ABCB11: variants seen among roughly 807,000 people sequenced by gnomAD.
ABCB11 encodes the protein ATP binding cassette subfamily B member 11, also known as bile salt export pump.
Under a neutral mutation model 148.0 loss-of-function variants are expected in ABCB11, and 95 were observed. The ratio of observed to expected loss-of-function variants is 0.64; its 90% CI spans 0.54 to 0.76. The LOEUF is 0.76. Ranked by LOEUF, ABCB11 falls within the 30% of genes least tolerant of loss-of-function variation. ABCB11 has a pLI of 0.00. For missense variants in ABCB11, 1,523 were observed against 1,617.8 expected, an observed-to-expected ratio of 0.94 and a Z score of 1.01; for synonymous variants, 591 against 555.4, an observed-to-expected ratio of 1.06 and a Z score of -0.90.
chr2:168,929,002 A>T (rs1181997125), intron 25 of ABCB11, among the ~76,000 whole-genome samples: 2 of 152,142 alleles, frequency 1.3e-5, no homozygotes, highest in Admixed American at 6.6e-5. Flanking sequence ...GCCTTTTTCA[A>T]AATTTTCTTA....
rs1559185118 is a variant in ABCB11, at chr2:168,936,504, G to C, written c.2611-71C>G. The C allele has an allele frequency of 2.5e-5, 36 of 1,417,080 alleles. 1 individual carries two copies. The South Asian group carries it at 3.9e-4, about 15-fold the overall frequency. 87.8% of individuals were successfully genotyped at this position (1,417,080 alleles called of 1,614,324 possible). On this transcript the variant is annotated intron_variant, in intron 21 of 27. Transcript: ENST00000650372. Reference sequence around the variant, plus strand: ...TTTACCAATTACCATTACACAAAAAGGTCAGACCTTTTATAAAGTTGTGAT... The same window carrying C: ...TTTACCAATTACCATTACACAAAAACGTCAGACCTTTTATAAAGTTGTGAT...
Position 168,997,028 on chromosome 2 carries a change from T to C in ABCB11, c.390-306A>G, listed in dbSNP as rs577841489. Among the ~76,000 whole-genome samples, 6 of 152,072 alleles carry C rather than the reference T, an allele frequency of 3.9e-5. No homozygotes were observed. In the South Asian group the frequency reaches 1.2e-3, roughly 31 times the overall value. ...CTATGAAATAATTAATTAGCAGTTG[T>C]TGGAAGCCAGGGTACCCTAAATGGC... On this transcript the variant is annotated intron_variant, in intron 5 of 27. Transcript: ENST00000650372.
At position 168,940,524 on chromosome 2, in the gene ABCB11, G is replaced by A. The variant is rs567761434; in HGVS notation, c.2610+4081C>T. Among the ~76,000 whole-genome samples the A allele has an allele frequency of 6.6e-5, 10 of 152,156 alleles. No individual in the cohort carries two copies. In the East Asian group the frequency reaches 1.9e-3, roughly 29 times the overall value. Reference sequence around the variant, plus strand: ...GTGAGGAAGCTTTGGGAGAAAAGTTGCTTTATGAGGTTTAAGGAAAAAAGC... The same window carrying A: ...GTGAGGAAGCTTTGGGAGAAAAGTTACTTTATGAGGTTTAAGGAAAAAAGC... On this transcript the variant is annotated intron_variant, in intron 21 of 27. Coordinates refer to ENST00000650372, the MANE Select transcript of ABCB11 (RefSeq NM_003742.4).
At chr2:168,989,518 A>G (rs1441531987) in intron 9 of ABCB11, among the ~76,000 whole-genome samples, 1 of 151,870 alleles carries the variant, frequency 6.6e-6, no homozygotes, top group Non-Finnish European at 1.5e-5. Flanking sequence ...TGCTGTTTTT[A>G]TTACTATAGT....
At chr2:168,977,857 C>T (rs1428986206) in intron 11 of ABCB11, among the ~76,000 whole-genome samples, 3 of 152,082 alleles carry the variant, frequency 2.0e-5, no homozygotes, top group African/African-American at 7.2e-5. Context: ...GGAAAATGCT[C>T]CTGTGATCCA....
chr2:168,935,555 G>A, intron 22 of ABCB11, 130 bp from the exon 23 acceptor site: 2 of 1,245,660 alleles, frequency 1.6e-6, no homozygotes, highest in Non-Finnish European at 2.2e-6. Context: ...CATCATCTGG[G>A]AATACAAAGA....
At chr2:168,988,275 C>T (rs1020102301) in intron 9 of ABCB11, among the ~76,000 whole-genome samples, 3 of 151,980 alleles carry the variant, frequency 2.0e-5, no homozygotes, top group African/African-American at 7.2e-5. Context: ...TTCTCGCCTG[C>T]CCCCTCCCAC....
chr2:168,956,384 C>T (rs1434670965), intron 19 of ABCB11, among the ~76,000 whole-genome samples: 1 of 151,656 alleles, frequency 6.6e-6, no homozygotes, highest in African/African-American at 2.4e-5. Context: ...TGTCATATTT[C>T]CATGCTTTTT....
chr2:168,997,039 G>A (rs1694739894), intron 5 of ABCB11, among the ~76,000 whole-genome samples: 1 of 151,804 alleles, frequency 6.6e-6, no homozygotes, highest in Non-Finnish European at 1.5e-5. Context: ...TGGAAGCCAG[G>A]GTACCCTAAA....
chr2:168,994,738 T>G (rs1216351074), intron 7 of ABCB11, among the ~76,000 whole-genome samples: 1 of 152,072 alleles, frequency 6.6e-6, no homozygotes, highest in Admixed American at 6.6e-5. Context: ...CCTGAGAACA[T>G]TTCCTTAATC....
intron 5 of ABCB11, among the ~76,000 whole-genome samples, chr2:169,002,536 T>C (rs981810245): frequency 2.0e-5 from 3 of 152,184 alleles, no homozygotes; most frequent in Non-Finnish European, 4.4e-5. Context: ...TAGCCACCTA[T>C]GTGTCCATCA....
intron 10 of ABCB11, among the ~76,000 whole-genome samples, chr2:168,984,576 T>A (rs1450905025): frequency 6.6e-6 from 1 of 152,164 alleles, no homozygotes; most frequent in Admixed American, 6.6e-5. Flanking sequence ...GTTTCACAAG[T>A]ACATTTATTA....
intron 17 of ABCB11, among the ~76,000 whole-genome samples, chr2:168,965,822 C>T (rs1693289378): frequency 6.6e-6 from 1 of 151,872 alleles, no homozygotes; most frequent in African/African-American, 2.4e-5. Flanking sequence ...TGCCTGCCTA[C>T]TATATGCTCA....
intron 19 of ABCB11, among the ~76,000 whole-genome samples, chr2:168,949,588 A>G (rs1692470717): frequency 6.6e-6 from 1 of 151,450 alleles, no homozygotes; most frequent in African/African-American, 2.4e-5. Context: ...TCTTTATCCA[A>G]TCCTCTGTTG....
In ABCB11 at chr2:168,923,405, C is replaced by T; in HGVS notation, c.*217G>A. On this transcript the variant is annotated 3_prime_UTR_variant, in exon 28 of 28. Transcript: ENST00000650372. ...CCCTCATATGGACCCTAGTTTCTTT[C>T]ATTTTCTGTATACACATCTAAAGCA... is the stretch of plus-strand genomic sequence containing the variant. 1 of 599,918 alleles carries T rather than the reference C, an allele frequency of 1.7e-6. No individual in the cohort carries two copies. The highest frequency in any genetic ancestry group is 2.9e-6 in the Non-Finnish European group (1 of 341,822). 37.2% of individuals were successfully genotyped at this position (599,918 alleles called of 1,614,324 possible).
intron 2 of ABCB11, 43 bp downstream of exon 2, chr2:169,018,007 C>T (rs2106058050): frequency 6.5e-7 from 1 of 1,542,596 alleles, no homozygotes; most frequent in Non-Finnish European, 9.0e-7. Flanking sequence ...TTTGTTCTCA[C>T]CTCTCCTTGT....
intron 26 of ABCB11, among the ~76,000 whole-genome samples, 182 bp from the exon 27 acceptor site, chr2:168,924,985 G>A (rs1045020711): frequency 6.6e-6 from 1 of 152,062 alleles, no homozygotes; most frequent in African/African-American, 2.4e-5. Context: ...GAAAAATATG[G>A]AATTTGTGAC....
At position 168,993,864 on chromosome 2, in the gene ABCB11, ATTGATT is replaced by A. The variant is rs1694628491; in HGVS notation, c.624_629del (p.Lys208_Ile209del). On this transcript the variant is annotated inframe_deletion, in exon 8 of 28. Transcript: ENST00000650372. ...GGGCCATTTGGTCAGCTATGGCATC[ATTGATT>A]TTATTAATATCACTAGAAACCAGAA... The A allele has an allele frequency of 1.2e-6, 2 of 1,607,680 alleles. No homozygotes were observed. The highest frequency in any genetic ancestry group is 1.7e-6 in the Non-Finnish European group (2 of 1,177,306).
intron 4 of ABCB11, 61 bp downstream of exon 4, chr2:169,014,242 T>G (rs1695284652): frequency 3.0e-5 from 46 of 1,514,894 alleles, no homozygotes; most frequent in Non-Finnish European, 4.1e-5. Context: ...AACACTCCCC[T>G]CATGATCTAA....
Sources: gnomAD v4.1 joint callset for allele counts (sites outside exome capture counted in the v4.1 genomes callset) on GRCh38, gnomAD v4.1.1 for gene constraint, MANE v1.5 for transcripts, NCBI Gene and HGNC (gene_info 2026-07-23, HGNC 2026-07-21) for gene names.